The following NAV2 variants were observed in gnomAD, a reference collection of about 807,000 sequenced individuals.
NAV2 encodes the protein neuron navigator 2.
Under a neutral mutation model 223.2 loss-of-function variants are expected in NAV2, and 54 were observed. The ratio of observed to expected loss-of-function variants is 0.24; its 90% CI spans 0.19 to 0.30. NAV2 has a LOEUF of 0.30. NAV2 is among the 10% of genes least tolerant of loss of function. NAV2 has a pLI of 1.00. For missense variants in NAV2, 2,806 were observed against 3,147.5 expected (o/e 0.89, Z 2.60); for synonymous variants, 1,279 against 1,239.3 (o/e 1.03, Z -0.67).
chr11:20,103,670 C>T lies in NAV2; in HGVS notation c.6590C>T (p.Thr2197Ile). 1.2e-6 allele frequency: 2 copies of T among 1,614,152 alleles called. No individual in the cohort carries two copies. Residue 2197 changes from threonine (T) to isoleucine (I), a missense_variant, in exon 34 of 38, where the codon ACA becomes ATA. Thr to Ile is a moderately conservative substitution (Grantham distance 89). This residue lies in a region of NAV2 where 824 missense variants were observed against 1,069.4 expected (regional missense o/e 0.77). Coordinates refer to ENST00000349880, the MANE Select transcript of NAV2 (RefSeq NM_145117.5). ...ATCCGCAGCCCTTACATAATTGGCA[C>T]AATGAACCAGGCTACCTCTTCGACT... Reference protein sequence around the residue: ...KYHKCPYIIGTMNQATSSTPN... With the variant: ...KYHKCPYIIGIMNQATSSTPN...
chr11:19,956,527 A>G (rs2707086), intron 10 of NAV2, among the ~76,000 whole-genome samples: 137,791 of 151,858 alleles, frequency 0.91, 62,608 homozygotes, highest in East Asian at 0.98. Context: ...GAAATTTGCT[A>G]GAATGGCTCA....
intron 11 of NAV2, among the ~76,000 whole-genome samples, chr11:20,024,367 A>G (rs1202344169): frequency 6.6e-6 from 1 of 152,156 alleles, no homozygotes; most frequent in African/African-American, 2.4e-5. Flanking sequence ...GGAAGACTTG[A>G]TCCCAAGTGA....
At position 19,953,234 on chromosome 11, in the gene NAV2, C is replaced by T. The variant is rs75972635; in HGVS notation, c.2645+4154C>T. ...CAAAAAAATGACCCTTTAAATATAA[C>T]ATCAGAAGTTTCTCCCTCTCAGAAC... is the stretch of plus-strand genomic sequence containing the variant. On this transcript the variant is annotated intron_variant, in intron 10 of 37. Transcript: ENST00000349880. 7.1e-3 allele frequency among the ~76,000 whole-genome samples: 1,080 copies of T among 152,092 alleles called. 7 individuals carry two copies. Among genetic ancestry groups the T allele is most frequent in the African/African-American group, 0.025 (1,040 of 41,466 alleles).
rs192110444 is a variant in NAV2 at position 19,935,672 on chromosome 11, T to C, written c.2033+1395T>C. Among the ~76,000 whole-genome samples, 407 of 152,042 alleles carry C rather than the reference T, an allele frequency of 2.7e-3. 1 individual carries two copies. The highest frequency in any genetic ancestry group is 9.2e-3 in the African/African-American group (382 of 41,472). On this transcript the variant is annotated intron_variant, in intron 7 of 37. Coordinates refer to ENST00000349880, the MANE Select transcript of NAV2 (RefSeq NM_145117.5). ...AAAGGAATGTCAGGCATTGCACTCC[T>C]TCCTTTTGTTCTGCTTGCATTCTCC...
At chr11:19,945,158 TTCCCTTC>T (rs2046814117) in intron 8 of NAV2, among the ~76,000 whole-genome samples, 1 of 11,750 alleles carries the variant, frequency 8.5e-5, no homozygotes, top group Admixed American at 8.7e-4. Context: ...TCTGTCTCCC[TTCCCTTC>T]CCTTCCCTTC....
intron 6 of NAV2, among the ~76,000 whole-genome samples, chr11:19,925,326 T>C (rs2044644010): frequency 1.3e-5 from 2 of 152,250 alleles, no homozygotes; most frequent in South Asian, 4.1e-4. Flanking sequence ...TTTGGTGTCA[T>C]ATCCAAGAAA....
intron 1 of NAV2, among the ~76,000 whole-genome samples, chr11:19,589,222 C>CA (rs1441058879): frequency 6.6e-6 from 1 of 151,780 alleles, no homozygotes; most frequent in Non-Finnish European, 1.5e-5. Context: ...TTCAGGAAGA[C>CA]AAAAAAACAA....
chr11:19,653,451 G>A (rs772208917), intron 1 of NAV2, among the ~76,000 whole-genome samples: 3 of 152,154 alleles, frequency 2.0e-5, no homozygotes, highest in Non-Finnish European at 4.4e-5. Context: ...GTGAGCTCAC[G>A]AATATTCCTC....
chr11:20,099,514 C>T (rs953964090), intron 31 of NAV2, among the ~76,000 whole-genome samples: 2 of 152,180 alleles, frequency 1.3e-5, no homozygotes, highest in Non-Finnish European at 2.9e-5. Context: ...CCTGATCCAT[C>T]GCTGCTGTCA....
chr11:19,936,711 G>A (rs2045939935), intron 7 of NAV2, among the ~76,000 whole-genome samples: 1 of 152,182 alleles, frequency 6.6e-6, no homozygotes. Flanking sequence ...TCGAGTGTGG[G>A]TACAGAGTCC....
intron 19 of NAV2, among the ~76,000 whole-genome samples, chr11:20,060,991 G>A (rs1012341525): frequency 2.6e-5 from 4 of 152,172 alleles, no homozygotes; most frequent in African/African-American, 4.8e-5. Context: ...AGTTCACTTC[G>A]TGGGTGGTAG....
At chr11:19,461,432 G>A (rs927655119) in intron 1 of NAV2, among the ~76,000 whole-genome samples, 2 of 152,154 alleles carry the variant, frequency 1.3e-5, no homozygotes, top group African/African-American at 4.8e-5. Flanking sequence ...GGACTTGTGC[G>A]TTTTATGTGG....
At chr11:19,808,178 T>G (rs182130680) in intron 1 of NAV2, among the ~76,000 whole-genome samples, 3 of 152,350 alleles carry the variant, frequency 2.0e-5, no homozygotes, top group Admixed American at 2.0e-4. Context: ...AAGTGCTCAG[T>G]GGTACCCATT....
chr11:19,683,152 T>A (rs1267212847), intron 1 of NAV2, among the ~76,000 whole-genome samples: 1 of 152,182 alleles, frequency 6.6e-6, no homozygotes, highest in African/African-American at 2.4e-5. Flanking sequence ...TGCTAATATT[T>A]TGTGTTTCTC....
At chr11:19,543,034 A>G (rs1463199482) in intron 1 of NAV2, among the ~76,000 whole-genome samples, 3 of 152,224 alleles carry the variant, frequency 2.0e-5, no homozygotes, top group Non-Finnish European at 4.4e-5. Context: ...GCCTGATTAG[A>G]GAAAGTTTAT....
At chr11:19,759,306 A>C (rs913371296) in intron 1 of NAV2, among the ~76,000 whole-genome samples, 1 of 151,992 alleles carries the variant, frequency 6.6e-6, no homozygotes, top group Admixed American at 6.5e-5. Flanking sequence ...GATGGTCTCG[A>C]TCTGCTGACC....
chr11:19,713,494 C>G lies in NAV2; in HGVS notation c.-202C>G. 1.5e-6 allele frequency: 2 copies of G among 1,378,630 alleles called. No individual in the cohort carries two copies. The highest frequency in any genetic ancestry group is 2.7e-5 in the East Asian group (1 of 36,688). 85.4% of individuals were successfully genotyped at this position (1,378,630 alleles called of 1,614,324 possible). ...CCCGCTGAGCGCCGTGGCCAGTCCC[C>G]CATTCCCATCCCGGCACCCCAAAGG... On this transcript the variant is annotated 5_prime_UTR_variant, in exon 1 of 38. Coordinates refer to ENST00000349880, the MANE Select transcript of NAV2 (RefSeq NM_145117.5). This position sits in a 1 kb window ranked among gnomAD's most constrained non-coding sequence, Gnocchi z 7.2.
At chr11:19,886,829 G>C (rs2041035501) in intron 5 of NAV2, among the ~76,000 whole-genome samples, 1 of 152,180 alleles carries the variant, frequency 6.6e-6, no homozygotes, top group African/African-American at 2.4e-5. Flanking sequence ...CAGTGCTTCT[G>C]GGTTTACCCT....
chr11:19,402,518 T>C (rs1029342296), intron 1 of NAV2, among the ~76,000 whole-genome samples: 3 of 152,242 alleles, frequency 2.0e-5, no homozygotes, highest in African/African-American at 4.8e-5. Flanking sequence ...TACCCCTTCA[T>C]TGCACTTATA....
Sources: gnomAD v4.1 joint callset for allele counts (sites outside exome capture counted in the v4.1 genomes callset) on GRCh38, gnomAD v4.1.1 for gene constraint, gnomAD v4.1.1 regional missense constraint, Gnocchi (gnomAD v3.1) non-coding constraint, MANE v1.5 for transcripts, NCBI Gene and HGNC (gene_info 2026-07-23, HGNC 2026-07-21) for gene names.